XPR1: variants seen among roughly 807,000 people sequenced by gnomAD.
XPR1 encodes solute carrier family 53 member 1.
Under a neutral mutation model 87.5 loss-of-function variants are expected in XPR1, and 28 were observed. The ratio of observed to expected loss-of-function variants is 0.32; its 90% CI spans 0.24 to 0.44. The LOEUF (loss-of-function observed/expected upper bound fraction) is 0.44. Ranked by LOEUF, XPR1 falls within the 20% of genes least tolerant of loss-of-function variation. XPR1 has a pLI of 1.00. For missense variants in XPR1, 559 were observed against 862.3 expected (o/e 0.65, Z 4.41); for synonymous variants, 300 against 306.1 (o/e 0.98, Z 0.21).
chr1:180,751,804 G>C (rs1571799286), intron 2 of XPR1, among the ~76,000 whole-genome samples: 1 of 152,088 alleles, frequency 6.6e-6, no homozygotes, highest in Admixed American at 6.5e-5. Flanking sequence ...AGAAAGAGCA[G>C]ATGGCAATAA....
intron 2 of XPR1, among the ~76,000 whole-genome samples, chr1:180,703,577 G>A (rs565708734): frequency 1.2e-4 from 18 of 152,254 alleles, no homozygotes; most frequent in South Asian, 6.2e-4. Flanking sequence ...GATGACAGGC[G>A]CAGCTACTGG....
intron 3 of XPR1, among the ~76,000 whole-genome samples, chr1:180,791,171 T>C (rs1414294159): frequency 2.0e-5 from 3 of 152,252 alleles, no homozygotes; most frequent in African/African-American, 4.8e-5. Context: ...GAAGGATCTC[T>C]AAGCTCAATT....
intron 2 of XPR1, among the ~76,000 whole-genome samples, chr1:180,694,776 C>CACACACACAA (rs1048016762): frequency 3.0e-5 from 1 of 33,546 alleles, no homozygotes; most frequent in Non-Finnish European, 5.5e-5. Flanking sequence ...GTTGTGTGCA[C>CACACACACAA]ACACACACAC....
Position 180,886,356 on chromosome 1 carries a change from T to A in XPR1, c.*2290T>A, listed in dbSNP as rs890953454. ...GGTACTAATGTGTATCCAGAGACATTTGAATTATTAACTTTATTCTTTATT... is the reference window on the plus strand; with the variant it reads ...GGTACTAATGTGTATCCAGAGACATATGAATTATTAACTTTATTCTTTATT... On this transcript the variant is annotated 3_prime_UTR_variant, in exon 15 of 15. Transcript: ENST00000367590. 1 of 152,252 alleles carries A rather than the reference T, an allele frequency of 6.6e-6. No individual in the cohort carries two copies. The highest frequency in any genetic ancestry group is 1.9e-4 in the East Asian group (1 of 5,206). 9.4% of individuals were successfully genotyped at this position (152,252 alleles called of 1,614,324 possible).
intron 2 of XPR1, among the ~76,000 whole-genome samples, chr1:180,751,183 A>G (rs979789152): frequency 1.3e-5 from 2 of 152,050 alleles, no homozygotes; most frequent in African/African-American, 4.8e-5. Flanking sequence ...ATAATATGTT[A>G]TATTGCCTAG....
chr1:180,636,056 A>AT (rs1362119186), intron 1 of XPR1, among the ~76,000 whole-genome samples: 1 of 152,234 alleles, frequency 6.6e-6, no homozygotes, highest in Non-Finnish European at 1.5e-5. Flanking sequence ...ATGACGATGA[A>AT]TTAATTTTTT....
At chr1:180,747,733 A>G (rs2102032904) in intron 2 of XPR1, among the ~76,000 whole-genome samples, 2 of 152,360 alleles carry the variant, frequency 1.3e-5, no homozygotes, top group South Asian at 4.1e-4. Context: ...TGAACAGAAC[A>G]TATGTACAAA....
rs145939721 is a variant in XPR1 at position 180,705,251 on chromosome 1, G to A, written c.121+22840G>A. Among the ~76,000 whole-genome samples the A allele has an allele frequency of 3.5e-4, 54 of 152,184 alleles. No individual in the cohort carries two copies. In the East Asian group the frequency reaches 6.2e-3, roughly 17 times the overall value. ...AGGTGAAAGATTGTTTGTCACCTTC[G>A]AAACAGAGTGCCAATTCGTGTTTCC... is the stretch of plus-strand genomic sequence containing the variant. On this transcript the variant is annotated intron_variant, in intron 2 of 14. Transcript: ENST00000367590.
intron 2 of XPR1, among the ~76,000 whole-genome samples, chr1:180,752,364 A>G (rs1647566737): frequency 6.6e-6 from 1 of 152,180 alleles, no homozygotes; most frequent in African/African-American, 2.4e-5. Context: ...TGGATGTTAA[A>G]ATTATGCATA....
rs1448267671 is a variant in XPR1, at chr1:180,887,730, A to T, written c.*3664A>T. The T allele has an allele frequency of 6.6e-6, 1 of 152,240 alleles. No homozygotes were observed. The highest frequency in any genetic ancestry group is 1.5e-5 in the Non-Finnish European group (1 of 68,042). The allele number at this position is 152,240 out of a possible 1,614,324, so 9.4% of individuals were successfully genotyped here. On this transcript the variant is annotated 3_prime_UTR_variant, in exon 15 of 15. Transcript: ENST00000367590. The stretch of plus-strand genomic sequence containing the variant: ...CGTTTAAAGAAGGAAAATGGGCCCC[A>T]GCCCCTAGGATCCCTGACTTCCTGA...
chr1:180,651,722 G>T (rs1454750249), intron 1 of XPR1, among the ~76,000 whole-genome samples: 1 of 152,062 alleles, frequency 6.6e-6, no homozygotes, highest in Admixed American at 6.6e-5. Context: ...TTAAATTGTA[G>T]CCATGAAGTG....
At chr1:180,727,893 G>A (rs1474043466) in intron 2 of XPR1, among the ~76,000 whole-genome samples, 1 of 152,188 alleles carries the variant, frequency 6.6e-6, no homozygotes, top group Non-Finnish European at 1.5e-5. Context: ...CAGTAAGGAT[G>A]ACCAGAGGTC....
intron 2 of XPR1, among the ~76,000 whole-genome samples, chr1:180,724,065 G>A (rs1658260164): frequency 6.6e-6 from 1 of 152,156 alleles, no homozygotes; most frequent in African/African-American, 2.4e-5. Context: ...TTCTGGAGAT[G>A]AGAAGGTAGT....
chr1:180,866,465 C>G (rs978181294), intron 12 of XPR1, among the ~76,000 whole-genome samples: 2 of 152,180 alleles, frequency 1.3e-5, no homozygotes, highest in African/African-American at 4.8e-5. Flanking sequence ...TTTTCTGTGT[C>G]TCTTGACCTC....
At chr1:180,672,199 T>C (rs1656204730) in intron 1 of XPR1, among the ~76,000 whole-genome samples, 1 of 152,184 alleles carries the variant, frequency 6.6e-6, no homozygotes, top group Admixed American at 6.5e-5. Context: ...ATCTTATATA[T>C]TTAATATACA....
chr1:180,679,022 C>T (rs993771561), intron 1 of XPR1, among the ~76,000 whole-genome samples: 3 of 151,830 alleles, frequency 2.0e-5, no homozygotes, highest in Admixed American at 6.6e-5. Flanking sequence ...GGTGAAACCC[C>T]GTCTCTACTA....
chr1:180,827,902 G>A (rs1372173889), intron 9 of XPR1, among the ~76,000 whole-genome samples: 5 of 148,448 alleles, frequency 3.4e-5, no homozygotes, highest in Admixed American at 6.7e-5. Flanking sequence ...TTTGAGACAG[G>A]GTCTGGCTCT....
intron 2 of XPR1, among the ~76,000 whole-genome samples, chr1:180,771,096 T>A (rs540241618): frequency 9.2e-5 from 14 of 152,308 alleles, no homozygotes; most frequent in African/African-American, 3.4e-4. Flanking sequence ...TGTGTTTGCC[T>A]CCTTCATCAC....
At chr1:180,800,067 C>T (rs532245213) in intron 3 of XPR1, among the ~76,000 whole-genome samples, 20 of 152,278 alleles carry the variant, frequency 1.3e-4, no homozygotes, top group Admixed American at 5.9e-4. Context: ...TCATCATGTT[C>T]CTTCCTTCAT....
Sources: gnomAD v4.1 joint callset for allele counts (sites outside exome capture counted in the v4.1 genomes callset) on GRCh38, gnomAD v4.1.1 for gene constraint, MANE v1.5 for transcripts, NCBI Gene and HGNC (gene_info 2026-07-23, HGNC 2026-07-21) for gene names.